Variants in GRM7 observed in about 807,000 individuals in gnomAD.
GRM7 encodes metabotropic glutamate receptor 7.
A neutral mutation model predicts 84.5 loss-of-function variants in GRM7; 35 were observed. That is an observed-to-expected ratio of 0.41 (90% CI 0.32 to 0.55). GRM7 has a LOEUF of 0.55. Ranked by LOEUF, GRM7 falls within the 20% of genes least tolerant of loss-of-function variation. The pLI, the probability that GRM7 is intolerant of heterozygous loss-of-function variation, is 0.19. For missense variants in GRM7, 1,003 were observed against 1,194.6 expected (o/e 0.84, Z 2.36); for synonymous variants, 487 against 455.1 (o/e 1.07, Z -0.89).
intron 9 of GRM7, among the ~76,000 whole-genome samples, chr3:7,714,808 T>A (rs1268283426): frequency 6.6e-6 from 1 of 152,190 alleles, no homozygotes; most frequent in Non-Finnish European, 1.5e-5. Flanking sequence ...AAGGACACCA[T>A]CAAAAACCAG....
chr3:7,527,819 A>T (rs1204023176), intron 7 of GRM7, among the ~76,000 whole-genome samples: 1 of 151,984 alleles, frequency 6.6e-6, no homozygotes. Context: ...TTATGTGTTA[A>T]ATCACATTTA....
chr3:6,894,685 T>C (rs750548744), intron 1 of GRM7, among the ~76,000 whole-genome samples: 53 of 152,226 alleles, frequency 3.5e-4, no homozygotes, highest in Non-Finnish European at 5.9e-4. Flanking sequence ...GTGGGGAAGA[T>C]AGGATGTAAA....
At chr3:7,306,366 C>T in intron 3 of GRM7, 132 bp from the exon 4 acceptor site, 4 of 702,204 alleles carry the variant, frequency 5.7e-6, no homozygotes, top group South Asian at 1.9e-5. Flanking sequence ...GATATAAATT[C>T]TTTATCAAGT....
At position 7,597,818 on chromosome 3, in the gene GRM7, C is replaced by T. The variant is rs3804885; in HGVS notation, c.2451+18461C>T. ...ATAGTGCTGGCAGATACCAAGAATG[C>T]AAGAAGGCTTGGCTAGGAAATAGCA... On this transcript the variant is annotated intron_variant, in intron 8 of 9. Coordinates refer to ENST00000357716, the MANE Select transcript of GRM7 (RefSeq NM_000844.4). 7.5e-3 allele frequency among the ~76,000 whole-genome samples: 1,147 copies of T among 152,156 alleles called. 35 individuals are homozygous for T. The East Asian group carries it at 0.099, about 13-fold the overall frequency.
chr3:7,417,771 A>AT (rs573777547), intron 5 of GRM7, among the ~76,000 whole-genome samples: 30 of 151,234 alleles, frequency 2.0e-4, no homozygotes, highest in African/African-American at 4.1e-4. Flanking sequence ...AATGTAGGCC[A>AT]TTTTTTTTTC....
intron 9 of GRM7, among the ~76,000 whole-genome samples, chr3:7,708,018 T>C (rs1701448105): frequency 6.6e-6 from 1 of 150,986 alleles, no homozygotes; most frequent in Non-Finnish European, 1.5e-5. Flanking sequence ...GAATTTTGAG[T>C]GCTTATAAAA....
At chr3:7,331,819 T>C (rs973957604) in intron 4 of GRM7, among the ~76,000 whole-genome samples, 3 of 152,186 alleles carry the variant, frequency 2.0e-5, no homozygotes, top group Admixed American at 6.5e-5. Flanking sequence ...GGCTCTACCA[T>C]TATTAAAGAA....
chr3:7,344,534 A>G (rs1362242462), intron 4 of GRM7, among the ~76,000 whole-genome samples: 4 of 152,134 alleles, frequency 2.6e-5, no homozygotes, highest in African/African-American at 9.7e-5. Flanking sequence ...AAAAATTCAT[A>G]AAAAGTAATG....
intron 8 of GRM7, chr3:7,606,874 A>G (rs929016123): frequency 1.3e-5 from 2 of 152,178 alleles, no homozygotes; most frequent in African/African-American, 4.8e-5. Context: ...ATGTCAATGT[A>G]AAGCATTGAA....
At chr3:7,107,573 A>G (rs1475556505) in intron 1 of GRM7, among the ~76,000 whole-genome samples, 1 of 152,120 alleles carries the variant, frequency 6.6e-6, no homozygotes, top group Non-Finnish European at 1.5e-5. Context: ...TAAATATTAC[A>G]AAACAGATGC....
chr3:7,029,315 C>CAAA (rs1207041327), intron 1 of GRM7, among the ~76,000 whole-genome samples: 19 of 92,834 alleles, frequency 2.0e-4, no homozygotes, highest in South Asian at 8.3e-4. Context: ...AAAAAAAAAA[C>CAAA]AAAAAAAAAA....
rs185396573 is a variant in GRM7, at chr3:7,737,993, G to A, written c.2699-2364G>A. Among the ~76,000 whole-genome samples, 367 of 151,914 alleles carry A rather than the reference G, an allele frequency of 2.4e-3. 2 individuals carry two copies. The highest frequency in any genetic ancestry group is 7.7e-3 in the African/African-American group (321 of 41,458). ...CTCCCGAGTAGCTGGGATTACAGGC[G>A]CCCGCCACCACGCCTGGCTAATTTT... On this transcript the variant is annotated intron_variant, in intron 9 of 9. Coordinates refer to ENST00000357716, the MANE Select transcript of GRM7 (RefSeq NM_000844.4).
intron 1 of GRM7, among the ~76,000 whole-genome samples, chr3:6,926,862 C>T (rs1360501758): frequency 6.6e-6 from 1 of 152,150 alleles, no homozygotes; most frequent in Non-Finnish European, 1.5e-5. Flanking sequence ...TTGCGGCAAA[C>T]ATCTTTGTAC....
intron 2 of GRM7, among the ~76,000 whole-genome samples, chr3:7,149,455 A>C (rs1018045110): frequency 6.6e-6 from 1 of 152,192 alleles, no homozygotes; most frequent in African/African-American, 2.4e-5. Context: ...AAAATAAAAG[A>C]AAAATTTATC....
At chr3:7,485,260 G>A (rs1418725078) in intron 7 of GRM7, among the ~76,000 whole-genome samples, 1 of 152,188 alleles carries the variant, frequency 6.6e-6, no homozygotes, top group Non-Finnish European at 1.5e-5. Flanking sequence ...TTGTTACACA[G>A]CAGTCAATAA....
intron 8 of GRM7, among the ~76,000 whole-genome samples, chr3:7,670,806 C>A (rs183554978): frequency 7.2e-5 from 11 of 152,266 alleles, no homozygotes; most frequent in Admixed American, 2.0e-4. Context: ...AGGTACAAGA[C>A]AGCATTTTCA....
chr3:7,600,766 G>C (rs1696270678), intron 8 of GRM7, among the ~76,000 whole-genome samples: 1 of 152,146 alleles, frequency 6.6e-6, no homozygotes, highest in Non-Finnish European at 1.5e-5. Flanking sequence ...GGAAATTTAT[G>C]TTTAACTGAA....
At chr3:7,341,557 T>C (rs765779224) in intron 4 of GRM7, among the ~76,000 whole-genome samples, 5 of 152,118 alleles carry the variant, frequency 3.3e-5, no homozygotes. Flanking sequence ...GCTTGCAGTC[T>C]AGTATATAGA....
chr3:7,154,772 G>A (rs1248907295), intron 2 of GRM7, among the ~76,000 whole-genome samples: 1 of 152,074 alleles, frequency 6.6e-6, no homozygotes, highest in African/African-American at 2.4e-5. Context: ...CCACACTTTT[G>A]TAATAATATC....
Sources: gnomAD v4.1 joint callset for allele counts (sites outside exome capture counted in the v4.1 genomes callset) on GRCh38, gnomAD v4.1.1 for gene constraint, MANE v1.5 for transcripts, NCBI Gene and HGNC (gene_info 2026-07-23, HGNC 2026-07-21) for gene names.